The following NTAQ1 variants were observed in gnomAD, a reference collection of about 807,000 sequenced individuals.
NTAQ1 encodes the protein N-terminal glutamine amidase 1, also known as protein N-terminal glutamine amidohydrolase.
NTAQ1 carries 21 observed loss-of-function variants against 28.2 expected under a neutral mutation model. The ratio of observed to expected loss-of-function variants is 0.74; its 90% confidence interval spans 0.53 to 1.07. The LOEUF (loss-of-function observed/expected upper bound fraction) is 1.07. Ranked by LOEUF, NTAQ1 falls within the 50% of genes least tolerant of loss-of-function variation. The pLI, the probability that NTAQ1 is intolerant of heterozygous loss-of-function variation, is 0.00. For synonymous variants in NTAQ1, 105 were observed against 90.0 expected (o/e 1.17, Z -0.94); for missense variants, 264 against 256.6 (o/e 1.03, Z -0.20).
At chr8:123,470,268 A>G (rs1369053040), downstream of NTAQ1, among the ~76,000 whole-genome samples, 1 of 152,224 alleles carries the variant, frequency 6.6e-6, no homozygotes, top group Non-Finnish European at 1.5e-5. Context: ...CAGCCGAAAC[A>G]GACTAATACA....
chr8:123,418,995 C>T (rs1461467596), intron 1 of NTAQ1, among the ~76,000 whole-genome samples: 4 of 151,732 alleles, frequency 2.6e-5, no homozygotes, highest in African/African-American at 4.8e-5. Flanking sequence ...GGGGCAAAAT[C>T]GCCTCTTGCT....
downstream of NTAQ1, among the ~76,000 whole-genome samples, chr8:123,473,386 C>T (rs1285243320): frequency 2.0e-5 from 3 of 151,712 alleles, no homozygotes; most frequent in East Asian, 5.8e-4. Flanking sequence ...ACTTCCGTGC[C>T]CTGGGCTCAA....
chr8:123,451,935 T>G (rs1212798717), downstream of NTAQ1, among the ~76,000 whole-genome samples: 1 of 152,184 alleles, frequency 6.6e-6, no homozygotes, highest in East Asian at 1.9e-4. Context: ...TTCAAACCGG[T>G]TTTGTCTGCA....
intron 6 of NTAQ1, among the ~76,000 whole-genome samples, chr8:123,458,056 TAAAATA>T (rs1815701583): frequency 3.2e-5 from 1 of 31,704 alleles, no homozygotes. Context: ...AAAAAAGATT[TAAAATA>T]AAAAAAAAAA....
chr8:123,457,438 G>A (rs1283070144), intron 6 of NTAQ1, among the ~76,000 whole-genome samples: 3 of 152,058 alleles, frequency 2.0e-5, no homozygotes, highest in African/African-American at 7.2e-5. Context: ...AAAAGTAATT[G>A]CAGTTTTTGC....
chr8:123,429,363 G>A (rs371499517), intron 2 of NTAQ1, among the ~76,000 whole-genome samples: 2 of 152,152 alleles, frequency 1.3e-5, no homozygotes, highest in East Asian at 3.9e-4. Flanking sequence ...CCTTCACCTT[G>A]ATTTTTGCAT....
intron 5 of NTAQ1, 42 bp downstream of exon 5, chr8:123,437,376 A>C: frequency 6.2e-7 from 1 of 1,608,960 alleles, no homozygotes; most frequent in South Asian, 1.1e-5. Flanking sequence ...CTGATTGATC[A>C]CATACACATC....
chr8:123,459,258 A>T (rs1168689601), intron 6 of NTAQ1, among the ~76,000 whole-genome samples: 3 of 151,628 alleles, frequency 2.0e-5, no homozygotes, highest in Admixed American at 2.0e-4. Context: ...AAAAAAAAAA[A>T]GATGTAGATG....
At chr8:123,437,094 A>G in intron 4 of NTAQ1, 116 bp from the exon 5 acceptor site, 2 of 1,369,028 alleles carry the variant, frequency 1.5e-6, no homozygotes, top group Non-Finnish European at 1.0e-6. Context: ...TACTAACCAT[A>G]CAGAAATGCA....
chr8:123,458,238 C>CTT (rs35769081), intron 6 of NTAQ1, among the ~76,000 whole-genome samples: 395 of 144,350 alleles, frequency 2.7e-3, no homozygotes, highest in African/African-American at 6.8e-3. Flanking sequence ...GCCTGGCTAA[C>CTT]TTTTTTTTTT....
chr8:123,436,343 G>A lies in NTAQ1; in HGVS notation c.235-110G>A, dbSNP rs576879179. 1.4e-4 allele frequency: 137 copies of A among 967,492 alleles called. 1 individual carries two copies. In the South Asian group the frequency reaches 2.3e-3, roughly 17 times the overall value. 59.9% of individuals were successfully genotyped at this position (967,492 alleles called of 1,614,324 possible). A position where few individuals can be genotyped will look rare whatever the true frequency, so the allele number is the denominator to read the frequency against. On this transcript the variant is annotated intron_variant, in intron 3 of 5. Coordinates refer to ENST00000287387, the MANE Select transcript of NTAQ1 (RefSeq NM_018024.3). ...GCTTTATTCTATTTTGCTATTATAA[G>A]GAGGGCTGTAGCAGTCCTATATCCT...
chr8:123,453,622 C>T (rs980687569), intron 6 of NTAQ1, among the ~76,000 whole-genome samples: 1 of 151,938 alleles, frequency 6.6e-6, no homozygotes, highest in Non-Finnish European at 1.5e-5. Context: ...GAGACGGGTT[C>T]ACCATGTTGG....
In NTAQ1 at chr8:123,437,743, A is replaced by G. The variant is rs548696353; in HGVS notation, c.508+409A>G. Reference sequence around the variant, plus strand: ...CAAAAAACAAAAAACAAAAAATTCCATGAATGATAAGGAGGTCATAGGAAA... The same window carrying G: ...CAAAAAACAAAAAACAAAAAATTCCGTGAATGATAAGGAGGTCATAGGAAA... On this transcript the variant is annotated intron_variant, in intron 5 of 5. Coordinates refer to ENST00000287387, the MANE Select transcript of NTAQ1 (RefSeq NM_018024.3). 5.3e-5 allele frequency among the ~76,000 whole-genome samples: 8 copies of G among 151,964 alleles called. No individual in the cohort carries two copies. In the South Asian group the frequency reaches 8.3e-4, roughly 16 times the overall value.
Position 123,441,470 on chromosome 8 carries a change from C to G in NTAQ1, c.*55C>G. The G allele has an allele frequency of 7.2e-7, 1 of 1,391,104 alleles. No homozygotes were observed. The highest frequency in any genetic ancestry group is 1.0e-6 in the Non-Finnish European group (1 of 990,422). The allele number at this position is 1,391,104 out of a possible 1,614,324, so 86.2% of individuals were successfully genotyped here. On this transcript the variant is annotated 3_prime_UTR_variant, in exon 6 of 6. Coordinates refer to ENST00000287387, the MANE Select transcript of NTAQ1 (RefSeq NM_018024.3). ...AAATTCTAGGACATGAACAAGCTATCCTTTCATCGAGGACAGCAAACATTA... is the reference window on the plus strand; with the variant it reads ...AAATTCTAGGACATGAACAAGCTATGCTTTCATCGAGGACAGCAAACATTA...
At chr8:123,449,738 C>CT (rs932771176), downstream of NTAQ1, among the ~76,000 whole-genome samples, 5 of 150,598 alleles carry the variant, frequency 3.3e-5, no homozygotes, top group African/African-American at 1.2e-4. Context: ...AGTTGGATGT[C>CT]TAACAGGAGC....
chr8:123,459,703 AC>A (rs1345013861), intron 6 of NTAQ1, among the ~76,000 whole-genome samples: 1 of 152,120 alleles, frequency 6.6e-6, no homozygotes, highest in Non-Finnish European at 1.5e-5. Context: ...AATAATTCCA[AC>A]AAAAGTTTCT....
intron 6 of NTAQ1, among the ~76,000 whole-genome samples, chr8:123,453,702 A>T (rs1476843757): frequency 6.6e-6 from 1 of 152,194 alleles, no homozygotes; most frequent in Non-Finnish European, 1.5e-5. Context: ...CTGGGATTAC[A>T]GGTGTGAGTC....
At chr8:123,420,557 TCCA>T (rs1251631241) in intron 1 of NTAQ1, among the ~76,000 whole-genome samples, 2 of 149,738 alleles carry the variant, frequency 1.3e-5, no homozygotes, top group Non-Finnish European at 3.0e-5. Context: ...TCCCCTTTTC[TCCA>T]CCAACTTGCC....
intron 1 of NTAQ1, among the ~76,000 whole-genome samples, chr8:123,423,576 G>A (rs1247329793): frequency 2.6e-5 from 4 of 151,968 alleles, no homozygotes; most frequent in African/African-American, 9.7e-5. Flanking sequence ...CCCACCTACA[G>A]GTATTTTTGT....
Sources: allele counts gnomAD v4.1 joint callset (sites outside exome capture counted in the v4.1 genomes callset), GRCh38; gene constraint gnomAD v4.1.1; transcripts MANE v1.5; gene names NCBI Gene and HGNC (gene_info 2026-07-23, HGNC 2026-07-21).